PHF24: variants seen among roughly 807,000 people sequenced by gnomAD.
The protein encoded by PHF24 is Galpha inhibitory interacting protein.
PHF24 carries 25 observed loss-of-function variants against 42.6 expected under a neutral mutation model. That is an observed-to-expected ratio of 0.59 (90% CI 0.43 to 0.82). PHF24 has a LOEUF of 0.82. Ranked by LOEUF, PHF24 falls within the 40% of genes least tolerant of loss-of-function variation. PHF24 has a pLI of 0.00. For synonymous variants in PHF24, 185 were observed against 204.8 expected, an observed-to-expected ratio of 0.90 and a Z score of 0.83; for missense variants, 470 against 538.1, an observed-to-expected ratio of 0.87 and a Z score of 1.25.
chr9:34,800,972 G>T, the PHF24 span, among the ~76,000 whole-genome samples: 1 of 149,602 alleles, frequency 6.7e-6, no homozygotes, highest in Non-Finnish European at 1.5e-5. Context: ...AAATTTACAA[G>T]AAAAAAAAAC....
At chr9:34,810,284 A>G in the PHF24 span, among the ~76,000 whole-genome samples, 1 of 152,128 alleles carries the variant, frequency 6.6e-6, no homozygotes, top group Non-Finnish European at 1.5e-5. Flanking sequence ...CCCCCGTGTC[A>G]CTGGATGAAC....
chr9:34,910,408 A>AT, the PHF24 span, among the ~76,000 whole-genome samples: 1 of 152,214 alleles, frequency 6.6e-6, no homozygotes, highest in African/African-American at 2.4e-5. Flanking sequence ...GCAGCCAAAA[A>AT]TGTCTAAAAG....
At chr9:34,835,867 G>T in the PHF24 span, 1 of 1,117,928 alleles carries the variant, frequency 8.9e-7, no homozygotes, top group Non-Finnish European at 1.3e-6. Flanking sequence ...GGATACACTA[G>T]ACAGAGACAA....
the PHF24 span, chr9:34,895,678 TA>T: frequency 2.5e-6 from 1 of 404,582 alleles, no homozygotes. Context: ...CATAGGTGTA[TA>T]AGGGATATCC....
At chr9:34,921,069 A>G in the PHF24 span, among the ~76,000 whole-genome samples, 1 of 152,152 alleles carries the variant, frequency 6.6e-6, no homozygotes, top group Non-Finnish European at 1.5e-5. Flanking sequence ...CTCGTTCCAG[A>G]ACTTAGAAGA....
chr9:34,929,783 T>G, the PHF24 span, among the ~76,000 whole-genome samples: 1 of 152,196 alleles, frequency 6.6e-6, no homozygotes, highest in African/African-American at 2.4e-5. Flanking sequence ...GTGATCAGCC[T>G]CCTGAGAAGA....
upstream of PHF24, chr9:34,957,559 G>C (rs546179287): frequency 6.6e-6 from 1 of 152,336 alleles, no homozygotes; most frequent in South Asian, 2.1e-4. Flanking sequence ...CAAAAAGTGG[G>C]TTACACGACA....
chr9:34,897,620 A>G, the PHF24 span, among the ~76,000 whole-genome samples: 1 of 152,252 alleles, frequency 6.6e-6, no homozygotes, highest in African/African-American at 2.4e-5. Context: ...GCTATAAGGA[A>G]AAATATTCTA....
chr9:34,900,546 CTGAGA>C, the PHF24 span, among the ~76,000 whole-genome samples: 1 of 152,130 alleles, frequency 6.6e-6, no homozygotes, highest in Non-Finnish European at 1.5e-5. Context: ...TTGCAGTGAG[CTGAGA>C]TATCACCACT....
At chr9:34,948,432 C>T in the PHF24 span, among the ~76,000 whole-genome samples, 1 of 152,200 alleles carries the variant, frequency 6.6e-6, no homozygotes, top group Non-Finnish European at 1.5e-5. Flanking sequence ...GAGCAATTTC[C>T]AGTCCTGCAA....
upstream of PHF24, among the ~76,000 whole-genome samples, chr9:34,957,196 G>T (rs1268336887): frequency 1.3e-5 from 2 of 152,006 alleles, no homozygotes; most frequent in East Asian, 3.9e-4. Context: ...CCATGTTAAG[G>T]GCAAAATTTC....
At chr9:34,852,712 T>G in the PHF24 span, among the ~76,000 whole-genome samples, 15 of 152,224 alleles carry the variant, frequency 9.9e-5, no homozygotes, top group Non-Finnish European at 1.9e-4. Context: ...TGTCTTTGTT[T>G]TGTTTTTTAA....
chr9:34,956,479 C>T (rs984013185), upstream of PHF24, among the ~76,000 whole-genome samples: 6 of 152,108 alleles, frequency 3.9e-5, no homozygotes, highest in African/African-American at 1.4e-4. Flanking sequence ...AGGCTGGTCT[C>T]GACCTCAGGT....
chr9:34,926,652 A>G, the PHF24 span, among the ~76,000 whole-genome samples: 1 of 152,060 alleles, frequency 6.6e-6, no homozygotes, highest in Non-Finnish European at 1.5e-5. This position sits in a 1 kb window ranked among gnomAD's most constrained non-coding sequence, Gnocchi z 4.3. Context: ...ACATGGGTGC[A>G]CACCTGCTGT....
At chr9:34,764,439 G>C in the PHF24 span, among the ~76,000 whole-genome samples, 2,334 of 152,326 alleles carry the variant, frequency 0.015, 17 homozygotes, top group African/African-American at 0.049. Context: ...GGGTGTATGT[G>C]TCAAGGAATT....
chr9:34,965,645 C>G (rs1378433242), intron 1 of PHF24, among the ~76,000 whole-genome samples: 1 of 152,166 alleles, frequency 6.6e-6, no homozygotes, highest in Non-Finnish European at 1.5e-5. Flanking sequence ...TTCTTGGTAT[C>G]CTTATAAAGA....
chr9:34,957,347 T>C (rs1004694136), upstream of PHF24, among the ~76,000 whole-genome samples: 3 of 152,256 alleles, frequency 2.0e-5, no homozygotes, highest in Non-Finnish European at 4.4e-5. Context: ...GTGCAATTAA[T>C]ATAAATTAAA....
chr9:34,897,041 A>C, the PHF24 span, among the ~76,000 whole-genome samples: 1 of 152,156 alleles, frequency 6.6e-6, no homozygotes, highest in African/African-American at 2.4e-5. Flanking sequence ...CTGTAATCCC[A>C]GCTACTCAGG....
At chr9:34,836,122 C>T in the PHF24 span, 3 of 466,704 alleles carry the variant, frequency 6.4e-6, no homozygotes, top group South Asian at 1.6e-5. Flanking sequence ...TGTGGGCTAG[C>T]GTTGGCATTG....
Sources: allele counts gnomAD v4.1 joint callset (sites outside exome capture counted in the v4.1 genomes callset), GRCh38; gene constraint gnomAD v4.1.1; non-coding constraint Gnocchi (gnomAD v3.1); transcripts MANE v1.5; gene names NCBI Gene and HGNC (gene_info 2026-07-23, HGNC 2026-07-21).